Variants in IK observed in about 807,000 individuals in gnomAD.
IK encodes IK cytokine.
IK carries 47 observed loss-of-function variants against 90.9 expected under a neutral mutation model. The observed-to-expected ratio is 0.52, with a 90% CI of 0.41 to 0.66. The LOEUF (loss-of-function observed/expected upper bound fraction) is 0.66, where lower values mean the gene tolerates loss of function less well. Ranked by LOEUF, IK falls within the 30% of genes least tolerant of loss-of-function variation. The pLI is 0.00. For synonymous variants in IK, 201 were observed against 227.5 expected (o/e 0.88, Z 1.05); for missense variants, 385 against 709.3 (o/e 0.54, Z 5.19).
chr5:140,653,258 A>T, intron 5 of IK, 114 bp downstream of exon 5: 1 of 781,752 alleles, frequency 1.3e-6, no homozygotes, highest in African/African-American at 1.8e-5. Context: ...GCGATTTCAG[A>T]GGCATTTGCC....
At chr5:140,648,158 C>T (rs778564530) in intron 1 of IK, 6 of 709,412 alleles carry the variant, frequency 8.5e-6, no homozygotes, top group Non-Finnish European at 1.5e-5. Flanking sequence ...TGATGGGCGG[C>T]TTTTGTGCGT....
Position 140,648,756 on chromosome 5 carries a change from T to A in IK, c.83+219T>A, listed in dbSNP as rs573731832. 986 of 539,648 alleles carry A rather than the reference T, an allele frequency of 1.8e-3. 3 individuals carry two copies. The highest frequency in any genetic ancestry group is 2.5e-3 in the Non-Finnish European group (748 of 304,082). 33.4% of individuals were successfully genotyped at this position (539,648 alleles called of 1,614,324 possible). Reference sequence around the variant, plus strand: ...AAGGTGTTAAGTTTTTTTTTTTTTTTATACGTGTTGTGTAATTACACATTA... The same window carrying A: ...AAGGTGTTAAGTTTTTTTTTTTTTTAATACGTGTTGTGTAATTACACATTA... On this transcript the variant is annotated intron_variant, in intron 2 of 19. Coordinates refer to ENST00000417647, the MANE Select transcript of IK (RefSeq NM_006083.4).
chr5:140,660,266 T>G, intron 15 of IK, 71 bp downstream of exon 15: 1 of 966,968 alleles, frequency 1.0e-6, no homozygotes, highest in Non-Finnish European at 1.6e-6. Flanking sequence ...AATGGAAATT[T>G]GATTCGCTAA....
intron 1 of IK, 82 bp downstream of exon 1, chr5:140,648,006 G>GC: frequency 8.0e-7 from 1 of 1,249,754 alleles, no homozygotes; most frequent in Non-Finnish European, 1.1e-6. Flanking sequence ...AGCTTAAGCC[G>GC]GGTGTGTGTG....
chr5:140,648,648 T>A (rs1049919720), intron 2 of IK, 111 bp downstream of exon 2: 1 of 1,075,734 alleles, frequency 9.3e-7, no homozygotes, highest in Non-Finnish European at 1.4e-6. Context: ...TAAAAAATTA[T>A]ACCCGCTGGC....
rs1379352376 is a variant in IK, at chr5:140,647,888, C to G, written c.-21C>G. ...CTGTTGGAGACTCGATTGTTGGTGACAGCGAAAGAACGATAACAAAATGCC... is the reference window on the plus strand; with the variant it reads ...CTGTTGGAGACTCGATTGTTGGTGAGAGCGAAAGAACGATAACAAAATGCC... On this transcript the variant is annotated 5_prime_UTR_variant, in exon 1 of 20. Coordinates refer to ENST00000417647, the MANE Select transcript of IK (RefSeq NM_006083.4). 6.2e-7 allele frequency: 1 copy of G among 1,613,898 alleles called. No homozygotes were observed. Among genetic ancestry groups the G allele is most frequent in the South Asian group, 1.1e-5 (1 of 91,084 alleles).
chr5:140,648,617 A>G, intron 2 of IK, 80 bp downstream of exon 2: 1 of 1,329,660 alleles, frequency 7.5e-7, no homozygotes, highest in Non-Finnish European at 1.1e-6. Context: ...AGAATTCTGA[A>G]TGTCTTGTCA....
In IK at chr5:140,661,463, G is replaced by T; in HGVS notation, c.1414-157G>T. The T allele has an allele frequency of 1.6e-6, 1 of 615,120 alleles. No homozygotes were observed. Among genetic ancestry groups the T allele is most frequent in the Non-Finnish European group, 3.0e-6 (1 of 338,616 alleles). 38.1% of individuals were successfully genotyped at this position (615,120 alleles called of 1,614,324 possible). On this transcript the variant is annotated intron_variant, in intron 16 of 19. Transcript: ENST00000417647. The surrounding 1 kb of genome is among the most constrained non-coding windows in gnomAD (Gnocchi z 4.2). ...TGTACAGAATAATGCCTGTCACATAGTAAGTATGTAATAAGCATTTATTAT... is the reference window on the plus strand; with the variant it reads ...TGTACAGAATAATGCCTGTCACATATTAAGTATGTAATAAGCATTTATTAT...
intron 8 of IK, among the ~76,000 whole-genome samples, chr5:140,654,976 ATT>A (rs58326545): frequency 6.7e-6 from 1 of 149,808 alleles, no homozygotes; most frequent in African/African-American, 2.5e-5. Flanking sequence ...TACCTAGCTA[ATT>A]TTTTTTTTTA....
chr5:140,649,643 C>A (rs1757580953), intron 2 of IK, among the ~76,000 whole-genome samples: 1 of 152,206 alleles, frequency 6.6e-6, no homozygotes, highest in Admixed American at 6.5e-5. Flanking sequence ...TCAAGCAATT[C>A]TTCTGCCTCA....
chr5:140,654,673 C>G lies in IK; in HGVS notation c.591-8C>G. ...TTTAGCAAAAATAAAACTTTTTTGT[C>G]TTTTCAGGAAAGATGAGGATCCTGA... On this transcript the variant is annotated splice_polypyrimidine_tract_variant and splice_region_variant and intron_variant, in intron 7 of 19. Transcript: ENST00000417647. 1 of 1,600,564 alleles carries G rather than the reference C, an allele frequency of 6.2e-7. No homozygotes were observed. The highest frequency in any genetic ancestry group is 8.5e-7 in the Non-Finnish European group (1 of 1,171,706).
At chr5:140,648,655 T>C in intron 2 of IK, 118 bp downstream of exon 2, 4 of 994,484 alleles carry the variant, frequency 4.0e-6, no homozygotes, top group Non-Finnish European at 6.4e-6. Flanking sequence ...TTATACCCGC[T>C]GGCCCTTTAT....
intron 2 of IK, among the ~76,000 whole-genome samples, chr5:140,650,640 G>T (rs749264554): frequency 3.3e-5 from 5 of 151,976 alleles, no homozygotes; most frequent in Non-Finnish European, 7.4e-5. Flanking sequence ...GTAATACCTA[G>T]ATCTCGGCTC....
At position 140,661,760 on chromosome 5, in the gene IK, G is replaced by C; in HGVS notation, c.1502+52G>C. ...GTGTGAGGAGGGGTGTGGGGATTTG[G>C]TGGAATAGTGCATATAAGGTTAGAG... On this transcript the variant is annotated intron_variant, in intron 17 of 19. Coordinates refer to ENST00000417647, the MANE Select transcript of IK (RefSeq NM_006083.4). This position sits in a 1 kb window ranked among gnomAD's most constrained non-coding sequence, Gnocchi z 4.2. 1 of 1,454,312 alleles carries C rather than the reference G, an allele frequency of 6.9e-7. No homozygotes were observed. Among genetic ancestry groups the C allele is most frequent in the Non-Finnish European group, 9.5e-7 (1 of 1,052,140 alleles). The allele number at this position is 1,454,312 out of a possible 1,614,324, so 90.1% of individuals were successfully genotyped here. A position where few individuals can be genotyped will look rare whatever the true frequency, so the allele number is the denominator to read the frequency against.
chr5:140,662,261 T>G (rs1757810981), intron 19 of IK, 41 bp from the exon 20 acceptor site: 1 of 1,613,898 alleles, frequency 6.2e-7, no homozygotes, highest in Admixed American at 1.7e-5. Context: ...AATTGCTTAG[T>G]GTATTGATCT....
Position 140,661,589 on chromosome 5 carries a change from T to G in IK, c.1414-31T>G. Reference sequence around the variant, plus strand: ...TTCCATTTCCACTGACATCTCTTCCTTCCCCATCCCCCGATTCTGTCCTGC... The same window carrying G: ...TTCCATTTCCACTGACATCTCTTCCGTCCCCATCCCCCGATTCTGTCCTGC... On this transcript the variant is annotated intron_variant, in intron 16 of 19. Transcript: ENST00000417647. The surrounding 1 kb of genome is among the most constrained non-coding windows in gnomAD (Gnocchi z 4.2). 1 of 1,495,946 alleles carries G rather than the reference T, an allele frequency of 6.7e-7. No homozygotes were observed. 92.7% of individuals were successfully genotyped at this position (1,495,946 alleles called of 1,614,324 possible). A position where few individuals can be genotyped will look rare whatever the true frequency, so the allele number is the denominator to read the frequency against.
chr5:140,648,999 G>T (rs191898422), intron 2 of IK: 9 of 179,522 alleles, frequency 5.0e-5, no homozygotes, highest in Non-Finnish European at 9.6e-5. Context: ...CACTACGCCC[G>T]GCTAATTTTG....
chr5:140,655,421 C>T (rs145793144), intron 8 of IK, among the ~76,000 whole-genome samples: 1,989 of 152,298 alleles, frequency 0.013, 31 homozygotes, highest in Non-Finnish European at 0.02. Context: ...CTATAACATG[C>T]CTATCATATT....
rs781663340 is a variant in IK, at chr5:140,652,167, T to G, written c.236+20T>G. 1.3e-6 allele frequency: 2 copies of G among 1,589,776 alleles called. No individual in the cohort carries two copies. The highest frequency in any genetic ancestry group is 1.7e-6 in the Non-Finnish European group (2 of 1,158,248). ...GAAAAGGTGAAGGAAGGGTGAAGGG[T>G]TTTAGATTTTAAGGTGGATAGTGTT... On this transcript the variant is annotated intron_variant, in intron 4 of 19. Coordinates refer to ENST00000417647, the MANE Select transcript of IK (RefSeq NM_006083.4).
Sources: allele counts gnomAD v4.1 joint callset (sites outside exome capture counted in the v4.1 genomes callset), GRCh38; gene constraint gnomAD v4.1.1; non-coding constraint Gnocchi (gnomAD v3.1); transcripts MANE v1.5; gene names NCBI Gene and HGNC (gene_info 2026-07-23, HGNC 2026-07-21).